The following IGSF21 variants were observed in gnomAD, a reference collection of about 807,000 sequenced individuals.
IGSF21 encodes the protein immunoglobulin superfamily member 21.
A neutral mutation model predicts 46.8 loss-of-function variants in IGSF21; 28 were observed. That is an observed-to-expected ratio of 0.60 (90% CI 0.44 to 0.82). IGSF21 has a LOEUF of 0.82. Among genes scored for constraint, IGSF21 ranks in the 40% least tolerant of loss-of-function variants. IGSF21 has a pLI of 0.00. For synonymous variants in IGSF21, 284 were observed against 273.6 expected, an observed-to-expected ratio of 1.04 and a Z score of -0.38; for missense variants, 624 against 665.5, an observed-to-expected ratio of 0.94 and a Z score of 0.69.
At chr1:18,250,433 C>T (rs2084830302) in intron 2 of IGSF21, among the ~76,000 whole-genome samples, 1 of 152,142 alleles carries the variant, frequency 6.6e-6, no homozygotes, top group African/African-American at 2.4e-5. Context: ...GGTGAAGCAG[C>T]CTCCATGTTC....
At chr1:18,202,511 G>A in intron 1 of IGSF21, among the ~76,000 whole-genome samples, 1 of 152,148 alleles carries the variant, frequency 6.6e-6, no homozygotes, top group East Asian at 1.9e-4. Context: ...GGAGGCCTCA[G>A]AAAACTTACA....
intron 1 of IGSF21, among the ~76,000 whole-genome samples, chr1:18,197,102 A>G (rs934907637): frequency 6.6e-6 from 1 of 152,234 alleles, no homozygotes; most frequent in Non-Finnish European, 1.5e-5. Flanking sequence ...CTGTCTCCTG[A>G]AAGGAGGTGA....
At chr1:18,346,031 G>A (rs1040327223) in intron 4 of IGSF21, among the ~76,000 whole-genome samples, 2 of 152,188 alleles carry the variant, frequency 1.3e-5, no homozygotes, top group African/African-American at 4.8e-5. Context: ...ACAAGTGAAG[G>A]GCTGTGTCCA....
intron 1 of IGSF21, chr1:18,113,123 A>G (rs2086157377): frequency 6.6e-6 from 1 of 152,370 alleles, no homozygotes; most frequent in South Asian, 2.1e-4. Flanking sequence ...ATCACTGGAA[A>G]GGGAGTACAG....
intron 2 of IGSF21, among the ~76,000 whole-genome samples, chr1:18,248,894 A>G (rs1209099555): frequency 6.6e-6 from 1 of 152,096 alleles, no homozygotes; most frequent in Admixed American, 6.5e-5. Flanking sequence ...AGGGGTACAT[A>G]GCATGGACCC....
At chr1:18,139,120 A>C (rs1418032637) in intron 1 of IGSF21, among the ~76,000 whole-genome samples, 3 of 152,204 alleles carry the variant, frequency 2.0e-5, no homozygotes, top group Non-Finnish European at 4.4e-5. Flanking sequence ...GATGGTCCCA[A>C]TGGCAACACT....
At chr1:18,271,918 G>A (rs1242642468) in intron 2 of IGSF21, among the ~76,000 whole-genome samples, 1 of 152,172 alleles carries the variant, frequency 6.6e-6, no homozygotes, top group South Asian at 2.1e-4. Flanking sequence ...GGGTGTCATT[G>A]AGAGGCAGGG....
At chr1:18,239,135 A>AT (rs759333172) in intron 2 of IGSF21, among the ~76,000 whole-genome samples, 8 of 152,112 alleles carry the variant, frequency 5.3e-5, no homozygotes, top group Non-Finnish European at 1.2e-4. Flanking sequence ...CCAAAGTGTG[A>AT]TTTCCAGCAG....
At chr1:18,125,883 G>A (rs935802423) in intron 1 of IGSF21, among the ~76,000 whole-genome samples, 17 of 152,204 alleles carry the variant, frequency 1.1e-4, no homozygotes, top group Non-Finnish European at 1.6e-4. Flanking sequence ...CAGACCCTGC[G>A]CAGGCCTTGG....
chr1:18,327,555 A>G (rs896163736), intron 3 of IGSF21, among the ~76,000 whole-genome samples: 5 of 152,214 alleles, frequency 3.3e-5, no homozygotes, highest in Non-Finnish European at 5.9e-5. Flanking sequence ...GATGCTGTTC[A>G]GTAGGGAAAG....
intron 1 of IGSF21, among the ~76,000 whole-genome samples, chr1:18,184,537 G>A (rs996761122): frequency 1.3e-5 from 2 of 152,184 alleles, no homozygotes; most frequent in African/African-American, 2.4e-5. Context: ...CACCGCACAC[G>A]GGCTGCAGCC....
chr1:18,222,105 C>G lies in IGSF21; in HGVS notation c.71-5793C>G, dbSNP rs11260960. Among the ~76,000 whole-genome samples, 7 of 152,118 alleles carry G rather than the reference C, an allele frequency of 4.6e-5. No homozygotes were observed. In the East Asian group the frequency reaches 1.2e-3, roughly 25 times the overall value. On this transcript the variant is annotated intron_variant, in intron 1 of 9. Transcript: ENST00000251296. Reference sequence around the variant, plus strand: ...TCACCGCTGTGCTCCTGGCTTCCCCCACCCATGCCTGCTCAGCTGTGCCTC... The same window carrying G: ...TCACCGCTGTGCTCCTGGCTTCCCCGACCCATGCCTGCTCAGCTGTGCCTC...
intron 2 of IGSF21, among the ~76,000 whole-genome samples, chr1:18,250,921 G>A (rs925229439): frequency 6.6e-6 from 1 of 152,136 alleles, no homozygotes; most frequent in Non-Finnish European, 1.5e-5. Flanking sequence ...GATAATTTCA[G>A]GTGATGTGAT....
intron 1 of IGSF21, among the ~76,000 whole-genome samples, chr1:18,208,564 T>G (rs1295577583): frequency 5.1e-5 from 7 of 137,184 alleles, no homozygotes; most frequent in Admixed American, 5.1e-4. Context: ...TTTTTTTTTT[T>G]TTTTTTGTAT....
At chr1:18,287,216 TAAATAAAAATAA>T (rs747351381) in intron 2 of IGSF21, among the ~76,000 whole-genome samples, 2 of 138,996 alleles carry the variant, frequency 1.4e-5, no homozygotes, top group African/African-American at 2.7e-5. Context: ...TAAATAAAAA[TAAATAAAAATAA>T]AAATAAAAAT....
intron 2 of IGSF21, among the ~76,000 whole-genome samples, chr1:18,266,760 C>T (rs2084993109): frequency 1.3e-5 from 2 of 152,168 alleles, no homozygotes; most frequent in South Asian, 4.1e-4. Context: ...TGAGTGTGGA[C>T]CCAAGAAGTC....
intron 3 of IGSF21, among the ~76,000 whole-genome samples, chr1:18,312,813 G>A (rs181156241): frequency 1.1e-4 from 16 of 152,306 alleles, no homozygotes; most frequent in African/African-American, 3.6e-4. Flanking sequence ...GGATTTGAAC[G>A]TGGGCATTTT....
rs74058326 is a variant in IGSF21 at position 18,195,813 on chromosome 1, G to A, written c.71-32085G>A. 5.1e-3 allele frequency among the ~76,000 whole-genome samples: 775 copies of A among 152,326 alleles called. 6 individuals are homozygous for A. The highest frequency in any genetic ancestry group is 0.017 in the African/African-American group (726 of 41,568). On this transcript the variant is annotated intron_variant, in intron 1 of 9. Transcript: ENST00000251296. ...GGAATGAAATGAAAGACAGTCTGGT[G>A]GGGACCAAGACTCATAAACAGATGC...
chr1:18,149,128 T>C (rs72942402), intron 1 of IGSF21, among the ~76,000 whole-genome samples: 25,084 of 152,200 alleles, frequency 0.16, 2,177 homozygotes, highest in Non-Finnish European at 0.17. Context: ...GGACAACAGC[T>C]GGGACAGGCG....
Sources: allele counts gnomAD v4.1 joint callset (sites outside exome capture counted in the v4.1 genomes callset), GRCh38; gene constraint gnomAD v4.1.1; transcripts MANE v1.5; gene names NCBI Gene and HGNC (gene_info 2026-07-23, HGNC 2026-07-21).